The following DMD variants were observed in gnomAD, a reference collection of about 807,000 sequenced individuals.
DMD encodes mutant dystrophin.
A neutral mutation model predicts 330.1 loss-of-function variants in DMD; 63 were observed. That is an observed-to-expected ratio of 0.19 (90% CI 0.16 to 0.24). The LOEUF is 0.24. Ranked by LOEUF, DMD falls within the 10% of genes least tolerant of loss-of-function variation. DMD has a pLI of 1.00. For synonymous variants in DMD, 1,223 were observed against 959.8 expected (o/e 1.27, Z -5.07); for missense variants, 3,344 against 2,684.1 (o/e 1.25, Z -5.43).
chrX:32,205,010 T>TCCAC (rs2097059434), intron 44 of DMD, among the ~76,000 whole-genome samples: 1 of 53,073 alleles, frequency 1.9e-5, no homozygotes, highest in African/African-American at 7.8e-5. Flanking sequence ...CTCTCTCACA[T>TCCAC]ACACACACAC....
intron 2 of DMD, among the ~76,000 whole-genome samples, chrX:32,894,281 G>A (rs2085491091): frequency 8.9e-6 from 1 of 111,776 alleles, no homozygotes; most frequent in Non-Finnish European, 1.9e-5. Context: ...AAGAGACTGA[G>A]GAAGAAACCC....
intron 60 of DMD, among the ~76,000 whole-genome samples, chrX:31,375,207 C>T (rs1182581718): frequency 8.9e-6 from 1 of 112,148 alleles, no homozygotes. Flanking sequence ...TTAAAGTCTT[C>T]ACCCATTTGA....
At chrX:32,844,649 G>A (rs1290905087) in intron 4 of DMD, 134 bp downstream of exon 4, 5 of 543,762 alleles carry the variant, frequency 9.2e-6, no homozygotes, top group Admixed American at 8.0e-5. Context: ...ATTACAACAT[G>A]TGCTCTCAGT....
chrX:32,114,773 A>G (rs773079426), intron 44 of DMD, among the ~76,000 whole-genome samples: 2 of 112,559 alleles, frequency 1.8e-5, no homozygotes, highest in African/African-American at 3.2e-5. Flanking sequence ...TTAGCAATGG[A>G]TACAACATAG....
chrX:32,207,239 T>C (rs998835180), intron 44 of DMD, among the ~76,000 whole-genome samples: 1 of 110,087 alleles, frequency 9.1e-6, no homozygotes, highest in Non-Finnish European at 1.9e-5. Context: ...CTTTAGGAGG[T>C]GATTAAGGAT....
At chrX:33,236,324 GC>G in intron 1 of DMD, among the ~76,000 whole-genome samples, 1 of 106,229 alleles carries the variant, frequency 9.4e-6, no homozygotes, top group Non-Finnish European at 1.9e-5. Context: ...GAGTGCAATG[GC>G]GCGATCTCGG....
chrX:32,486,801 T>G (rs1363228895), intron 20 of DMD, among the ~76,000 whole-genome samples: 2 of 106,172 alleles, frequency 1.9e-5, no homozygotes, highest in African/African-American at 6.8e-5. Context: ...TAGCCATATG[T>G]AGAAAGCTGA....
At chrX:31,433,960 T>G (rs2064278591) in intron 60 of DMD, among the ~76,000 whole-genome samples, 1 of 112,196 alleles carries the variant, frequency 8.9e-6, no homozygotes, top group Non-Finnish European at 1.9e-5. Flanking sequence ...TCAAGACATT[T>G]ATAGAATGCT....
At chrX:32,101,812 A>G (rs1237829527) in intron 44 of DMD, among the ~76,000 whole-genome samples, 1 of 111,374 alleles carries the variant, frequency 9.0e-6, no homozygotes, top group Non-Finnish European at 1.9e-5. Flanking sequence ...TGGAAACTTA[A>G]TCCCCAACGT....
At chrX:31,235,715 G>A (rs1183140595) in intron 63 of DMD, among the ~76,000 whole-genome samples, 1 of 112,193 alleles carries the variant, frequency 8.9e-6, no homozygotes, top group Non-Finnish European at 1.9e-5. Context: ...CTGAATCACT[G>A]GAATTATTAT....
intron 1 of DMD, among the ~76,000 whole-genome samples, chrX:33,045,703 AC>A (rs1425397300): frequency 2.7e-5 from 3 of 111,014 alleles, no homozygotes; most frequent in African/African-American, 9.8e-5. Context: ...AATAAGAGGA[AC>A]ATTATAATGT....
At chrX:32,858,491 A>C (rs1376472566) in intron 2 of DMD, among the ~76,000 whole-genome samples, 1 of 110,959 alleles carries the variant, frequency 9.0e-6, no homozygotes, top group Admixed American at 9.6e-5. Flanking sequence ...CATCACGTCC[A>C]GCTCAGTTTT....
intron 13 of DMD, among the ~76,000 whole-genome samples, chrX:32,588,054 G>T: frequency 9.0e-6 from 1 of 111,255 alleles, no homozygotes; most frequent in South Asian, 3.8e-4. Context: ...ACAACAAAAA[G>T]CTCTCCCTTT....
At chrX:33,074,415 A>ATT (rs3083149) in intron 1 of DMD, among the ~76,000 whole-genome samples, 3,636 of 101,309 alleles carry the variant, frequency 0.036, 158 homozygotes, top group African/African-American at 0.12. Flanking sequence ...TTAACACTAT[A>ATT]TTTTTTTTTT....
rs183170697 is a variant in DMD, at chrX:32,961,111, A to G, written c.93+59028T>C. On this transcript the variant is annotated intron_variant, in intron 2 of 78. Coordinates refer to ENST00000357033, the MANE Select transcript of DMD (RefSeq NM_004006.3). ...CATTCTGAGAAAATCCTATTGAAAG[A>G]TAAGTTATGTCATCACAGTTTTTCT... Among the ~76,000 whole-genome samples, 374 of 111,321 alleles carry G rather than the reference A, an allele frequency of 3.4e-3. 1 individual carries two copies. The highest frequency in any genetic ancestry group is 0.012 in the African/African-American group (363 of 30,715).
At chrX:32,454,007 T>A (rs1201680973) in intron 26 of DMD, among the ~76,000 whole-genome samples, 3 of 110,952 alleles carry the variant, frequency 2.7e-5, no homozygotes, top group African/African-American at 9.8e-5. Flanking sequence ...TATGATGATA[T>A]AAACATGATA....
chrX:32,301,615 C>T (rs1351504001), intron 42 of DMD, among the ~76,000 whole-genome samples: 2 of 110,096 alleles, frequency 1.8e-5, no homozygotes, highest in Non-Finnish European at 3.8e-5. Flanking sequence ...CAAATTTAAC[C>T]AGGAGAAAAT....
At chrX:32,947,160 A>G (rs1192687082) in intron 2 of DMD, among the ~76,000 whole-genome samples, 8 of 112,118 alleles carry the variant, frequency 7.1e-5, no homozygotes, top group Admixed American at 1.9e-4. Context: ...AAACCACTGT[A>G]TACACCAATA....
At chrX:32,462,316 C>A (rs182189711) in intron 25 of DMD, among the ~76,000 whole-genome samples, 2 of 111,663 alleles carry the variant, frequency 1.8e-5, no homozygotes, top group East Asian at 5.7e-4. Context: ...CTCAAAATAT[C>A]TTATTTTACT....
Sources: gnomAD v4.1 joint callset for allele counts (sites outside exome capture counted in the v4.1 genomes callset) on GRCh38, gnomAD v4.1.1 for gene constraint, MANE v1.5 for transcripts, NCBI Gene and HGNC (gene_info 2026-07-23, HGNC 2026-07-21) for gene names.